ZNRF3: variants seen among roughly 807,000 people sequenced by gnomAD.
The protein encoded by ZNRF3 is zinc and ring finger 3.
ZNRF3 carries 23 observed loss-of-function variants against 72.5 expected under a neutral mutation model. The observed-to-expected ratio is 0.32, with a 90% CI of 0.23 to 0.45. The LOEUF (loss-of-function observed/expected upper bound fraction) is 0.45. Ranked by LOEUF, ZNRF3 falls within the 20% of genes least tolerant of loss-of-function variation. The pLI is 1.00. For missense variants in ZNRF3, 1,169 were observed against 1,272.1 expected (o/e 0.92, Z 1.23); for synonymous variants, 610 against 545.3 (o/e 1.12, Z -1.65).
At chr22:29,014,917 A>G (rs1418764832) in intron 2 of ZNRF3, among the ~76,000 whole-genome samples, 2 of 152,232 alleles carry the variant, frequency 1.3e-5, no homozygotes, top group African/African-American at 4.8e-5. Context: ...AGAGAGGGAA[A>G]GATTCCCACA....
At chr22:28,927,886 A>G (rs186348690) in intron 1 of ZNRF3, among the ~76,000 whole-genome samples, 49 of 152,284 alleles carry the variant, frequency 3.2e-4, no homozygotes, top group African/African-American at 1.1e-3. Context: ...TTGGGCTCCT[A>G]TGGCTTCCAG....
At chr22:29,029,868 G>A (rs1049300739) in intron 2 of ZNRF3, among the ~76,000 whole-genome samples, 1 of 152,118 alleles carries the variant, frequency 6.6e-6, no homozygotes, top group African/African-American at 2.4e-5. Flanking sequence ...GTTGTTCCTC[G>A]TTAAGCCTGA....
chr22:28,894,543 A>T (rs1305676199), intron 1 of ZNRF3, among the ~76,000 whole-genome samples: 1 of 152,054 alleles, frequency 6.6e-6, no homozygotes, highest in Non-Finnish European at 1.5e-5. Context: ...CACGGTGGGG[A>T]CCGCTGTGCT....
At chr22:28,886,866 G>C (rs979956587) in intron 1 of ZNRF3, among the ~76,000 whole-genome samples, 3 of 152,160 alleles carry the variant, frequency 2.0e-5, no homozygotes, top group Non-Finnish European at 4.4e-5. Context: ...TGAGGTGGGA[G>C]GATTGCTTGA....
intron 1 of ZNRF3, among the ~76,000 whole-genome samples, chr22:28,896,326 G>A (rs77508501): frequency 1.7e-3 from 257 of 152,206 alleles, no homozygotes; most frequent in African/African-American, 5.9e-3. Flanking sequence ...GTAGAGACAG[G>A]GTTTCACCAT....
intron 1 of ZNRF3, among the ~76,000 whole-genome samples, chr22:28,955,425 G>A (rs1285999187): frequency 2.0e-5 from 3 of 152,164 alleles, no homozygotes; most frequent in Non-Finnish European, 4.4e-5. Context: ...ATGTTAAAAT[G>A]AATAAATGTC....
intron 2 of ZNRF3, among the ~76,000 whole-genome samples, chr22:29,032,538 C>T (rs1483808824): frequency 6.6e-6 from 1 of 152,152 alleles, no homozygotes; most frequent in Non-Finnish European, 1.5e-5. Context: ...AATAAGAAAC[C>T]GAATCCTGAG....
At chr22:28,925,764 G>C (rs1016565599) in intron 1 of ZNRF3, among the ~76,000 whole-genome samples, 1 of 152,102 alleles carries the variant, frequency 6.6e-6, no homozygotes, top group Non-Finnish European at 1.5e-5. Flanking sequence ...AATCACTACA[G>C]CCTCAACTTC....
At chr22:28,940,496 CTTTTTTT>C (rs575819283) in intron 1 of ZNRF3, among the ~76,000 whole-genome samples, 1 of 138,240 alleles carries the variant, frequency 7.2e-6, no homozygotes, top group Non-Finnish European at 1.5e-5. Context: ...TAGGTTTCTG[CTTTTTTT>C]TTTTTTTTTT....
At chr22:28,897,675 C>T (rs958672503) in intron 1 of ZNRF3, among the ~76,000 whole-genome samples, 4 of 152,154 alleles carry the variant, frequency 2.6e-5, no homozygotes, top group South Asian at 2.1e-4. Flanking sequence ...TCCACATTTT[C>T]AACTCCCGTC....
At chr22:29,024,228 CT>C (rs954203670) in intron 2 of ZNRF3, among the ~76,000 whole-genome samples, 11 of 150,836 alleles carry the variant, frequency 7.3e-5, no homozygotes, top group African/African-American at 2.7e-4. Context: ...CTCCACCTTT[CT>C]GTGGTTCAGT....
Position 29,055,148 on chromosome 22 carries a change from A to T in ZNRF3, c.*1526A>T, listed in dbSNP as rs950346736. 2.6e-5 allele frequency: 4 copies of T among 152,754 alleles called. No individual in the cohort carries two copies. Among genetic ancestry groups the T allele is most frequent in the Non-Finnish European group, 5.9e-5 (4 of 68,068 alleles). 9.5% of individuals were successfully genotyped at this position (152,754 alleles called of 1,614,324 possible). ...GAGAGAATCTATTTAAAGCTATTTCAGATCAGGGATTGTCATCCTTTTTTG... is the reference window on the plus strand; with the variant it reads ...GAGAGAATCTATTTAAAGCTATTTCTGATCAGGGATTGTCATCCTTTTTTG... On this transcript the variant is annotated 3_prime_UTR_variant, in exon 9 of 9. Transcript: ENST00000544604.
chr22:28,997,500 T>C (rs1306503229), intron 2 of ZNRF3, among the ~76,000 whole-genome samples: 1 of 151,962 alleles, frequency 6.6e-6, no homozygotes. Context: ...GAACAACAGG[T>C]TCCTGGTAGC....
At chr22:28,931,076 C>T (rs1441412535) in intron 1 of ZNRF3, among the ~76,000 whole-genome samples, 1 of 152,188 alleles carries the variant, frequency 6.6e-6, no homozygotes, top group Non-Finnish European at 1.5e-5. Context: ...AAGTGAGTGA[C>T]ATCGTGAAGA....
At chr22:29,047,273 A>T (rs1270150101) in intron 6 of ZNRF3, among the ~76,000 whole-genome samples, 1 of 152,148 alleles carries the variant, frequency 6.6e-6, no homozygotes, top group South Asian at 2.1e-4. Context: ...AAAATTTCAG[A>T]CCTTCAGAAA....
chr22:28,972,156 T>C (rs1307845368), intron 1 of ZNRF3, among the ~76,000 whole-genome samples: 4 of 152,228 alleles, frequency 2.6e-5, no homozygotes, highest in Non-Finnish European at 5.9e-5. Context: ...CTATATAAAG[T>C]GTATAATTCA....
At chr22:28,943,272 G>C (rs770230295) in intron 1 of ZNRF3, among the ~76,000 whole-genome samples, 3 of 151,906 alleles carry the variant, frequency 2.0e-5, no homozygotes, top group Non-Finnish European at 4.4e-5. Flanking sequence ...GTACCTTTGT[G>C]GTTCTTCTGC....
intron 2 of ZNRF3, among the ~76,000 whole-genome samples, chr22:29,015,155 C>T (rs959829443): frequency 6.6e-6 from 1 of 152,172 alleles, no homozygotes. Context: ...TTAGGTATCT[C>T]GTTAAATATT....
At chr22:28,966,095 C>T (rs1030560158) in intron 1 of ZNRF3, among the ~76,000 whole-genome samples, 7 of 152,164 alleles carry the variant, frequency 4.6e-5, no homozygotes, top group South Asian at 2.1e-4. Flanking sequence ...GTGATTTTCC[C>T]GCTGCATCTC....
Sources: allele counts gnomAD v4.1 joint callset (sites outside exome capture counted in the v4.1 genomes callset), GRCh38; gene constraint gnomAD v4.1.1; transcripts MANE v1.5; gene names NCBI Gene and HGNC (gene_info 2026-07-23, HGNC 2026-07-21).